The following IL9R variants were observed in gnomAD, a reference collection of about 807,000 sequenced individuals.
IL9R encodes interleukin 9 receptor.
A neutral mutation model predicts 56.3 loss-of-function variants in IL9R; 54 were observed. The ratio of observed to expected loss-of-function variants is 0.96; its 90% CI spans 0.77 to 1.20. IL9R has a LOEUF of 1.20. IL9R is among the 50% of genes most tolerant of loss of function. IL9R has a pLI of 0.00. For synonymous variants in IL9R, 212 were observed against 250.2 expected, an observed-to-expected ratio of 0.85 and a Z score of 1.44; for missense variants, 545 against 629.8, an observed-to-expected ratio of 0.87 and a Z score of 1.44.
In IL9R at chrX:156,003,579, G is replaced by T. The variant is rs776839536; in HGVS notation, c.254+19G>T. The T allele has an allele frequency of 6.2e-7, 1 of 1,609,500 alleles. No individual in the cohort carries two copies. The highest frequency in any genetic ancestry group is 8.5e-7 in the Non-Finnish European group (1 of 1,175,852). ...TCACCAGGTGAGCATGGAGGGCCAT[G>T]CCCACCTGGACAGGGATGAGGGTGA... is the stretch of plus-strand genomic sequence containing the variant. On this transcript the variant is annotated intron_variant, in intron 3 of 8. Transcript: ENST00000244174.
intron 4 of IL9R, 80 bp from the exon 5 acceptor site, chrX:156,004,340 C>G: frequency 1.4e-6 from 2 of 1,469,512 alleles, no homozygotes; most frequent in Non-Finnish European, 1.9e-6. Context: ...GGGAGTCTTT[C>G]AGACCCCAGT....
At chrX:156,006,475 C>G (rs1289565620) in intron 7 of IL9R, among the ~76,000 whole-genome samples, 9 of 149,754 alleles carry the variant, frequency 6.0e-5, no homozygotes, top group African/African-American at 2.2e-4. Flanking sequence ...AGCTTGGTCC[C>G]GACCAGACCC....
chrX:156,002,355 A>C (rs1477064238), intron 1 of IL9R, among the ~76,000 whole-genome samples: 1 of 152,194 alleles, frequency 6.6e-6, no homozygotes. Flanking sequence ...CTCAAAAAAA[A>C]AAATTTGCTT....
rs1399137075 is a variant in IL9R, at chrX:156,003,810, G to C, written c.388G>C (p.Glu130Gln). The part of the protein sequence containing the change: ...ITFHHCMSGR[E>Q]QVSLVDPEYL... ...TTTCCACCACTGCATGTCTGGGAGGGAGCAGGTCAGCCTGGTGGACCCGGA... is the reference window on the plus strand; with the variant it reads ...TTTCCACCACTGCATGTCTGGGAGGCAGCAGGTCAGCCTGGTGGACCCGGA... Residue 130 changes from glutamate (E) to glutamine (Q), a missense_variant, in exon 4 of 9, where the codon GAG becomes CAG. This residue lies in a region of IL9R where 431 missense variants were observed against 360.0 expected (regional missense o/e 1.20). Transcript: ENST00000244174. 2 of 1,613,906 alleles carry C rather than the reference G, an allele frequency of 1.2e-6. No homozygotes were observed. The highest frequency in any genetic ancestry group is 8.5e-7 in the Non-Finnish European group (1 of 1,179,806).
chrX:156,005,495 G>A lies in IL9R; in HGVS notation c.781+16G>A. The A allele has an allele frequency of 1.9e-6, 3 of 1,607,828 alleles. No homozygotes were observed. The highest frequency in any genetic ancestry group is 1.3e-5 in the African/African-American group (1 of 74,864). On this transcript the variant is annotated intron_variant, in intron 6 of 8. Transcript: ENST00000244174. ...CAGAGACAAGGTGGGCACTGCTGTG[G>A]CTGCTGCACTTCCAGCGGAGTCTGG...
At position 156,005,437 on chromosome X, in the gene IL9R, G is replaced by A. The variant is rs1300966801; in HGVS notation, c.739G>A (p.Glu247Lys). The change falls in exon 6 of 9, where the codon GAG becomes AAG. Residue 247 changes from glutamate to lysine, a missense_variant. Physicochemically the swap from Glu to Lys is moderately conservative, Grantham distance 56. Coordinates refer to ENST00000244174, the MANE Select transcript of IL9R (RefSeq NM_002186.3). ...EEERYTGQWS[E>K]WSQPVCFQAP... The stretch of plus-strand genomic sequence containing the variant: ...GGAGCGTTATACAGGCCAGTGGAGT[G>A]AGTGGAGCCAGCCTGTGTGCTTCCA... The A allele has an allele frequency of 1.9e-6, 3 of 1,613,164 alleles. No individual in the cohort carries two copies. The highest frequency in any genetic ancestry group is 1.1e-5 in the South Asian group (1 of 91,026).
rs2067623616 is a variant in IL9R at position 156,002,822 on chromosome X, G to A, written c.29-84G>A. On this transcript the variant is annotated intron_variant, in intron 1 of 8. Transcript: ENST00000244174. ...GTGAGTGCAGGTGGGGACCCATGGA[G>A]CACTCTGCTGGGGAGCAATTCATGG... 9 of 1,599,450 alleles carry A rather than the reference G, an allele frequency of 5.6e-6. No homozygotes were observed. The Admixed American group carries it at 1.2e-4, about 21-fold the overall frequency.
In IL9R at chrX:156,009,250, GTCTGTGTGTGTGTGTT is replaced by G. The variant is rs2068285280; in HGVS notation, c.973-564_973-549del. ...CTGTGTGTGTTCGTGTGGTGTGTGT[GTCTGTGTGTGTGTGTT>G]TGTGTGTGTATGTCTGTGTGTGTGT... On this transcript the variant is annotated intron_variant, in intron 8 of 8. Transcript: ENST00000244174. Among the ~76,000 whole-genome samples, 201 of 105,026 alleles carry G rather than the reference GTCTGTGTGTGTGTGTT, an allele frequency of 1.9e-3. 2 individuals carry two copies. The highest frequency in any genetic ancestry group is 0.011 in the East Asian group (22 of 2,006). 68.9% of individuals were successfully genotyped at this position (105,026 alleles called of 152,430 possible).
Position 156,005,445 on chromosome X carries a change from C to A in IL9R, c.747C>A (p.Ser249Arg), listed in dbSNP as rs761808322. 6.2e-7 allele frequency: 1 copy of A among 1,613,042 alleles called. No individual in the cohort carries two copies. Among genetic ancestry groups the A allele is most frequent in the Non-Finnish European group, 8.5e-7 (1 of 1,179,804 alleles). The change falls in exon 6 of 9, where the codon AGC becomes AGA. Residue 249 changes from serine to arginine, a missense_variant. Ser to Arg is a moderately radical substitution (Grantham distance 110). Coordinates refer to ENST00000244174, the MANE Select transcript of IL9R (RefSeq NM_002186.3). ...ERYTGQWSEWSQPVCFQAPQR... is the reference protein window; with the variant it reads ...ERYTGQWSEWRQPVCFQAPQR... The stretch of plus-strand genomic sequence containing the variant: ...ATACAGGCCAGTGGAGTGAGTGGAG[C>A]CAGCCTGTGTGCTTCCAGGCTCCCC...
At chrX:156,008,990 T>C (rs2068212424) in intron 8 of IL9R, among the ~76,000 whole-genome samples, 1 of 150,918 alleles carries the variant, frequency 6.6e-6, no homozygotes, top group African/African-American at 2.5e-5. Flanking sequence ...TGTGTTTAAG[T>C]CTGTGTGTGT....
Position 156,003,008 on chromosome X carries a change from G to C in IL9R, c.131G>C (p.Gly44Ala). 6.2e-7 allele frequency: 1 copy of C among 1,613,836 alleles called. No homozygotes were observed. Residue 44 changes from glycine (G) to alanine (A), a missense_variant, in exon 2 of 9, where the codon GGG (glycine) becomes GCG (alanine). Around this residue, in one of 2 missense-constraint regions of IL9R, gnomAD observed 431 missense variants for 360.0 expected, o/e 1.20. Transcript: ENST00000244174. Reference sequence around the variant, plus strand: ...GTCTGCTTGGGAGTCTCTGTCACAGGGGAAGGACAAGGTGAGGGCTGGGCA... The same window carrying C: ...GTCTGCTTGGGAGTCTCTGTCACAGCGGAAGGACAAGGTGAGGGCTGGGCA... Reference protein sequence around the residue: ...TCVCLGVSVTGEGQGPRSRTF... With the variant: ...TCVCLGVSVTAEGQGPRSRTF...
rs2067700250 is a variant in IL9R at position 156,003,713 on chromosome X, G to T, written c.291G>T (p.Leu97Phe). 6.2e-7 allele frequency: 1 copy of T among 1,613,572 alleles called. No individual in the cohort carries two copies. The highest frequency in any genetic ancestry group is 1.3e-5 in the African/African-American group (1 of 74,932). ...QAPGGTHKCI[L>F]RGSECTVVLP... ...CTGGCGGCACACATAAGTGCATCTT[G>T]CGGGGCAGTGAGTGCACCGTCGTGC... The change falls in exon 4 of 9, where the codon TTG becomes TTT. Residue 97 changes from leucine to phenylalanine, a missense_variant. Around this residue, in one of 2 missense-constraint regions of IL9R, gnomAD observed 431 missense variants for 360.0 expected, o/e 1.20. Coordinates refer to ENST00000244174, the MANE Select transcript of IL9R (RefSeq NM_002186.3).
rs775310142 is a variant in IL9R at position 156,005,681 on chromosome X, C to A, written c.781+202C>A. 3.3e-5 allele frequency among the ~76,000 whole-genome samples: 5 copies of A among 152,228 alleles called. 1 individual carries two copies. In the East Asian group the frequency reaches 9.7e-4, roughly 29 times the overall value. ...TGCCAACTCTGGGGCTTCCTGGGAA[C>A]CTGTAGTTAGTGGCTGCTGTTAGGA... On this transcript the variant is annotated intron_variant, in intron 6 of 8. Transcript: ENST00000244174.
chrX:156,001,771 C>G (rs1295516586), intron 1 of IL9R, among the ~76,000 whole-genome samples: 1 of 152,158 alleles, frequency 6.6e-6, no homozygotes, highest in African/African-American at 2.4e-5. Context: ...GATAGGGCGT[C>G]AGCGGCCTTC....
At chrX:156,004,625 G>T in intron 5 of IL9R, 60 bp downstream of exon 5, 1 of 1,538,544 alleles carries the variant, frequency 6.5e-7, no homozygotes, top group Non-Finnish European at 9.0e-7. Context: ...GTCCAGGGTA[G>T]ACTCCCCACT....
intron 6 of IL9R, 73 bp downstream of exon 6, chrX:156,005,552 C>T: frequency 1.5e-6 from 2 of 1,302,534 alleles, no homozygotes; most frequent in Non-Finnish European, 2.2e-6. Context: ...TCACCTCAGC[C>T]CTGCACCCTT....
rs1411790625 is a variant in IL9R, at chrX:156,003,665, T to G, written c.255-12T>G. On this transcript the variant is annotated splice_polypyrimidine_tract_variant and intron_variant, in intron 3 of 8. Coordinates refer to ENST00000244174, the MANE Select transcript of IL9R (RefSeq NM_002186.3). ...GTAGCAGCCCCGTGGTGCTGACAAA[T>G]GCCCTTTCCAGCAACCAGGCTCCTG... The G allele has an allele frequency of 6.2e-7, 1 of 1,612,440 alleles. No homozygotes were observed. Among genetic ancestry groups the G allele is most frequent in the Admixed American group, 1.7e-5 (1 of 59,692 alleles).
In IL9R at chrX:156,005,453, T is replaced by C. The variant is rs1244830237; in HGVS notation, c.755T>C (p.Val252Ala). ...TGQWSEWSQP[V>A]CFQAPQRQGP... ...CAGTGGAGTGAGTGGAGCCAGCCTG[T>C]GTGCTTCCAGGCTCCCCAGAGACAA... Residue 252 changes from valine to alanine, a missense_variant, in exon 6 of 9, where the codon GTG becomes GCG. Transcript: ENST00000244174. 6.2e-7 allele frequency: 1 copy of C among 1,612,992 alleles called. No individual in the cohort carries two copies.
Position 156,003,034 on chromosome X carries a change from C to T in IL9R, c.142+15C>T. 6.2e-7 allele frequency: 1 copy of T among 1,613,724 alleles called. No individual in the cohort carries two copies. The highest frequency in any genetic ancestry group is 8.5e-7 in the Non-Finnish European group (1 of 1,179,812). On this transcript the variant is annotated intron_variant, in intron 2 of 8. Transcript: ENST00000244174. The stretch of plus-strand genomic sequence containing the variant: ...GGAAGGACAAGGTGAGGGCTGGGCA[C>T]TAATGTCTGTATGAGGTGGGTGGAG...
Sources: allele counts gnomAD v4.1 joint callset (sites outside exome capture counted in the v4.1 genomes callset), GRCh38; gene constraint gnomAD v4.1.1; regional missense constraint gnomAD v4.1.1; transcripts MANE v1.5; gene names NCBI Gene and HGNC (gene_info 2026-07-23, HGNC 2026-07-21).